ST3GAL3: variants seen among roughly 807,000 people sequenced by gnomAD.
ST3GAL3 encodes the protein CMP-N-acetylneuraminate-beta-1,4-galactoside alpha-2,3-sialyltransferase.
A neutral mutation model predicts 50.1 loss-of-function variants in ST3GAL3; 21 were observed. The ratio of observed to expected loss-of-function variants is 0.42; its 90% CI spans 0.30 to 0.60. The LOEUF (loss-of-function observed/expected upper bound fraction) is 0.60, where lower values mean the gene tolerates loss of function less well. Ranked by LOEUF, ST3GAL3 falls within the 20% of genes least tolerant of loss-of-function variation. The probability of loss-of-function intolerance (pLI) is 0.19; values close to 1 mark genes in which losing one functional copy is unlikely to be tolerated. For synonymous variants in ST3GAL3, 183 were observed against 190.0 expected, an observed-to-expected ratio of 0.96 and a Z score of 0.30; for missense variants, 353 against 489.4, an observed-to-expected ratio of 0.72 and a Z score of 2.63.
intron 2 of ST3GAL3, among the ~76,000 whole-genome samples, chr1:43,751,348 A>G (rs577133707): frequency 8.5e-5 from 13 of 152,352 alleles, no homozygotes; most frequent in South Asian, 2.1e-4. Context: ...AAGTATAAAT[A>G]TACATGCCTT....
intron 9 of ST3GAL3, among the ~76,000 whole-genome samples, chr1:43,905,608 C>T (rs202229704): frequency 5.3e-5 from 1 of 19,010 alleles, no homozygotes; most frequent in African/African-American, 1.6e-4. Flanking sequence ...CACTGTTTCT[C>T]CCCCTCCTCC....
chr1:43,795,011 A>G (rs2058525579), intron 3 of ST3GAL3, among the ~76,000 whole-genome samples: 1 of 152,170 alleles, frequency 6.6e-6, no homozygotes, highest in Admixed American at 6.5e-5. Context: ...GTGTTGATAT[A>G]TTATTTTTAG....
intron 1 of ST3GAL3, among the ~76,000 whole-genome samples, chr1:43,723,299 G>C (rs556089637): frequency 6.6e-6 from 1 of 151,340 alleles, no homozygotes; most frequent in Non-Finnish European, 1.5e-5. Flanking sequence ...AGTAGAGACG[G>C]GATTTCACCA....
intron 5 of ST3GAL3, among the ~76,000 whole-genome samples, chr1:43,885,621 T>G (rs1400479531): frequency 1.3e-5 from 2 of 152,204 alleles, no homozygotes; most frequent in Non-Finnish European, 2.9e-5. Context: ...GGCACACTGG[T>G]CTGGACGGAA....
chr1:43,863,063 A>G (rs2070409077), intron 5 of ST3GAL3, among the ~76,000 whole-genome samples: 1 of 152,180 alleles, frequency 6.6e-6, no homozygotes, highest in African/African-American at 2.4e-5. Flanking sequence ...CATGTAATAC[A>G]TTTTTATCAA....
At chr1:43,825,635 A>G (rs2062696086) in intron 4 of ST3GAL3, among the ~76,000 whole-genome samples, 1 of 152,222 alleles carries the variant, frequency 6.6e-6, no homozygotes, top group South Asian at 2.1e-4. Flanking sequence ...GGGGTTTTAG[A>G]GATAACAAGG....
At chr1:43,889,476 T>C (rs1016718088) in intron 5 of ST3GAL3, among the ~76,000 whole-genome samples, 3 of 152,200 alleles carry the variant, frequency 2.0e-5, no homozygotes, top group Admixed American at 6.5e-5. Flanking sequence ...AACCTAACTA[T>C]GTATCATGTC....
chr1:43,716,489 T>C (rs1358867770), intron 1 of ST3GAL3: 2 of 152,180 alleles, frequency 1.3e-5, no homozygotes, highest in East Asian at 1.9e-4. Context: ...GCAGCACATA[T>C]ACTAAAATTG....
chr1:43,852,620 G>GT (rs1438795405), intron 5 of ST3GAL3, among the ~76,000 whole-genome samples: 1 of 152,242 alleles, frequency 6.6e-6, no homozygotes, highest in African/African-American at 2.4e-5. Context: ...GAGATTGAGA[G>GT]TGTAAGGATG....
chr1:43,930,376 C>T lies in ST3GAL3; in HGVS notation c.*155C>T. 4.1e-6 allele frequency: 3 copies of T among 728,202 alleles called. No homozygotes were observed. In the South Asian group the frequency reaches 4.4e-5, roughly 11 times the overall value. The allele number at this position is 728,202 out of a possible 1,614,324, so 45.1% of individuals were successfully genotyped here. ...AGCAGCCAGAGCTGTGCCTGCTCAG[C>T]AGCCAGTCTCAGAGACCAGCACTCA... On this transcript the variant is annotated 3_prime_UTR_variant, in exon 12 of 12. Coordinates refer to ENST00000347631, the MANE Select transcript of ST3GAL3 (RefSeq NM_006279.5).
At chr1:43,807,209 G>A (rs903882597) in intron 3 of ST3GAL3, among the ~76,000 whole-genome samples, 2 of 151,970 alleles carry the variant, frequency 1.3e-5, no homozygotes, top group African/African-American at 4.8e-5. Context: ...CTGAGGTCAC[G>A]AGTTCAAGAC....
intron 2 of ST3GAL3, among the ~76,000 whole-genome samples, chr1:43,748,370 G>A (rs1048838046): frequency 1.5e-4 from 22 of 150,746 alleles, no homozygotes; most frequent in African/African-American, 5.4e-4. Flanking sequence ...TAAATAAGGA[G>A]AGATTTATGA....
At chr1:43,810,239 G>C (rs1363456773) in intron 3 of ST3GAL3, among the ~76,000 whole-genome samples, 1 of 152,152 alleles carries the variant, frequency 6.6e-6, no homozygotes, top group Admixed American at 6.5e-5. Flanking sequence ...ACACAGGAAA[G>C]ATGATGAAAA....
chr1:43,899,253 A>G lies in ST3GAL3; in HGVS notation c.547A>G (p.Ile183Val), dbSNP rs746370446. 2.5e-6 allele frequency: 4 copies of G among 1,614,084 alleles called. No homozygotes were observed. Among genetic ancestry groups the G allele is most frequent in the Non-Finnish European group, 3.4e-6 (4 of 1,180,040 alleles). Reference sequence around the variant, plus strand: ...GGGGTCACGAATTGACGACTATGACATTGTGGTGAGGTGAGCTCCCCAAAA... The same window carrying G: ...GGGGTCACGAATTGACGACTATGACGTTGTGGTGAGGTGAGCTCCCCAAAA... Reference protein sequence around the residue: ...SLGSRIDDYDIVVRLNSAPVK... With the variant: ...SLGSRIDDYDVVVRLNSAPVK... Residue 183 changes from isoleucine to valine, a missense_variant, in exon 8 of 12, where the codon ATT (isoleucine) becomes GTT (valine). Transcript: ENST00000347631. This position sits in a 1 kb window ranked among gnomAD's most constrained non-coding sequence, Gnocchi z 5.4.
At chr1:43,916,016 G>C (rs1300342143) in intron 9 of ST3GAL3, among the ~76,000 whole-genome samples, 1 of 152,190 alleles carries the variant, frequency 6.6e-6, no homozygotes, top group Non-Finnish European at 1.5e-5. Flanking sequence ...CTACTCAGGA[G>C]GCTGAGGCAG....
intron 1 of ST3GAL3, among the ~76,000 whole-genome samples, chr1:43,730,183 A>G (rs1674988669): frequency 6.6e-6 from 1 of 152,190 alleles, no homozygotes; most frequent in African/African-American, 2.4e-5. Context: ...CCCTAATGGA[A>G]AAGACTGAAA....
At chr1:43,849,960 T>C (rs2066967245) in intron 5 of ST3GAL3, among the ~76,000 whole-genome samples, 1 of 152,192 alleles carries the variant, frequency 6.6e-6, no homozygotes, top group Admixed American at 6.5e-5. Flanking sequence ...AGTAAAACAC[T>C]AGAATCTTTC....
At chr1:43,748,683 A>G (rs1308540905) in intron 2 of ST3GAL3, among the ~76,000 whole-genome samples, 1 of 152,176 alleles carries the variant, frequency 6.6e-6, no homozygotes, top group East Asian at 1.9e-4. Context: ...TTGGCCTCCC[A>G]AAGTGTTGAG....
chr1:43,908,788 C>T (rs553643510), intron 9 of ST3GAL3, among the ~76,000 whole-genome samples: 7 of 152,232 alleles, frequency 4.6e-5, no homozygotes, highest in African/African-American at 1.7e-4. Context: ...CCTGCCACCA[C>T]GCCTGGCTAA....
Sources: gnomAD v4.1 joint callset for allele counts (sites outside exome capture counted in the v4.1 genomes callset) on GRCh38, gnomAD v4.1.1 for gene constraint, Gnocchi (gnomAD v3.1) non-coding constraint, MANE v1.5 for transcripts, NCBI Gene and HGNC (gene_info 2026-07-23, HGNC 2026-07-21) for gene names.